ANOS1: variants seen among roughly 807,000 people sequenced by gnomAD.
ANOS1 encodes the protein anosmin 1.
In ANOS1, 6 loss-of-function variants were observed where a neutral mutation model predicts 59.0. The observed-to-expected ratio is 0.10, with a 90% CI of 0.06 to 0.20. ANOS1 has a LOEUF of 0.20. Ranked by LOEUF, ANOS1 falls within the 10% of genes least tolerant of loss-of-function variation. The pLI, the probability that ANOS1 is intolerant of heterozygous loss-of-function variation, is 1.00. For synonymous variants in ANOS1, 217 were observed against 223.4 expected (o/e 0.97, Z 0.25); for missense variants, 433 against 542.3 (o/e 0.80, Z 2.00).
intron 1 of ANOS1, among the ~76,000 whole-genome samples, chrX:8,703,756 G>T (rs1026984330): frequency 2.7e-5 from 3 of 111,963 alleles, no homozygotes; most frequent in Middle Eastern, 4.2e-3. Flanking sequence ...CAGAGAATAG[G>T]AGGGGAGATC....
intron 3 of ANOS1, among the ~76,000 whole-genome samples, chrX:8,614,866 A>AAAAAATATAAAAAATTTTTTATATTTTAT (rs750685412): frequency 1.1e-4 from 12 of 104,645 alleles, no homozygotes; most frequent in Non-Finnish European, 1.9e-4. Context: ...GAGTAATATA[A>AAAAAATATAAAAAATTTTTTATATTTTAT]GAAAAATATA....
chrX:8,619,917 T>C (rs1931259187), intron 3 of ANOS1, among the ~76,000 whole-genome samples: 1 of 112,113 alleles, frequency 8.9e-6, no homozygotes, highest in African/African-American at 3.2e-5. Context: ...GTAATATAAT[T>C]ATGACTGTTC....
chrX:8,659,901 T>C (rs1357481722), intron 2 of ANOS1, among the ~76,000 whole-genome samples: 3 of 111,279 alleles, frequency 2.7e-5, no homozygotes, highest in Non-Finnish European at 5.6e-5. Context: ...AGTGCTGGGA[T>C]TATAGGCATG....
chrX:8,663,768 A>T (rs1932080980), intron 2 of ANOS1, among the ~76,000 whole-genome samples: 1 of 111,999 alleles, frequency 8.9e-6, no homozygotes. Flanking sequence ...TAATCCCAGG[A>T]TCCACCTTTT....
chrX:8,660,616 A>G (rs1243597219), intron 2 of ANOS1, among the ~76,000 whole-genome samples: 1 of 72,620 alleles, frequency 1.4e-5, no homozygotes, highest in East Asian at 4.9e-4. Context: ...CTATAATTTT[A>G]AAAAGAAAAT....
intron 2 of ANOS1, among the ~76,000 whole-genome samples, chrX:8,625,963 T>A (rs1365837210): frequency 9.3e-6 from 1 of 107,385 alleles, no homozygotes; most frequent in African/African-American, 3.4e-5. Context: ...ATACAAAAAA[T>A]TAGCTGGGTG....
At chrX:8,679,994 C>T (rs1932397266) in intron 2 of ANOS1, among the ~76,000 whole-genome samples, 1 of 109,130 alleles carries the variant, frequency 9.2e-6, no homozygotes, top group African/African-American at 3.3e-5. Context: ...AACCCCATCT[C>T]TACTAAAAAT....
At chrX:8,591,824 G>A (rs1601968139) in intron 4 of ANOS1, among the ~76,000 whole-genome samples, 1 of 112,394 alleles carries the variant, frequency 8.9e-6, no homozygotes, top group East Asian at 2.8e-4. Context: ...ATAACCAGAT[G>A]TATAGACTGG....
intron 2 of ANOS1, among the ~76,000 whole-genome samples, chrX:8,682,074 G>T (rs766917621): frequency 1.2e-3 from 130 of 110,933 alleles, no homozygotes; most frequent in Non-Finnish European, 1.9e-3. Flanking sequence ...CGAACCCTTC[G>T]CAAGCACGGG....
chrX:8,690,963 G>T (rs1417666515), intron 2 of ANOS1, among the ~76,000 whole-genome samples: 2 of 111,841 alleles, frequency 1.8e-5, no homozygotes, highest in Non-Finnish European at 3.8e-5. Context: ...AAGGCAGAAA[G>T]ATAAGCATGC....
intron 8 of ANOS1, among the ~76,000 whole-genome samples, chrX:8,561,166 A>G (rs1361281950): frequency 1.8e-5 from 2 of 112,469 alleles, no homozygotes; most frequent in Admixed American, 9.4e-5. Flanking sequence ...GGCATGCCCA[A>G]TGAATTGTCT....
At chrX:8,533,152 A>G (rs890623371) in intron 13 of ANOS1, 99 bp from the exon 14 acceptor site, 3 of 545,979 alleles carry the variant, frequency 5.5e-6, no homozygotes, top group African/African-American at 4.6e-5. Context: ...ACCCTGGCAA[A>G]TGTTCCTTCC....
At chrX:8,580,230 A>G (rs1449079041) in intron 6 of ANOS1, among the ~76,000 whole-genome samples, 1 of 112,365 alleles carries the variant, frequency 8.9e-6, no homozygotes, top group Non-Finnish European at 1.9e-5. Flanking sequence ...ATAAAGAGAC[A>G]AAAAGTAGAA....
chrX:8,537,298 C>T (rs1929611682), intron 10 of ANOS1, among the ~76,000 whole-genome samples: 1 of 111,626 alleles, frequency 9.0e-6, no homozygotes, highest in Admixed American at 9.5e-5. Context: ...AAAAAACTAA[C>T]GCAGGCTTCT....
At chrX:8,652,811 A>T (rs1312139697) in intron 2 of ANOS1, among the ~76,000 whole-genome samples, 1 of 111,215 alleles carries the variant, frequency 9.0e-6, no homozygotes, top group East Asian at 2.8e-4. Flanking sequence ...GTCCACCTGG[A>T]CCAAACCAGT....
At chrX:8,721,898 G>A (rs1220131254) in intron 1 of ANOS1, among the ~76,000 whole-genome samples, 1 of 112,242 alleles carries the variant, frequency 8.9e-6, no homozygotes, top group African/African-American at 3.2e-5. Context: ...TGGCCATTTA[G>A]GTTATGGTCC....
intron 1 of ANOS1, among the ~76,000 whole-genome samples, chrX:8,706,514 A>C (rs1331243991): frequency 8.9e-6 from 1 of 112,067 alleles, no homozygotes; most frequent in Admixed American, 9.5e-5. Context: ...AGACCATACA[A>C]CACCAAAAGT....
chrX:8,716,808 C>T (rs1011088256), intron 1 of ANOS1, among the ~76,000 whole-genome samples: 1 of 112,122 alleles, frequency 8.9e-6, no homozygotes, highest in Non-Finnish European at 1.9e-5. Flanking sequence ...GAAGCTAAGC[C>T]ATGTCATGAC....
At chrX:8,721,394 T>C (rs1353718757) in intron 1 of ANOS1, among the ~76,000 whole-genome samples, 3 of 112,169 alleles carry the variant, frequency 2.7e-5, no homozygotes, top group Non-Finnish European at 5.6e-5. Context: ...GGCCTTCAGT[T>C]TTCTTATCTG....
Sources: allele counts gnomAD v4.1 joint callset (sites outside exome capture counted in the v4.1 genomes callset), GRCh38; gene constraint gnomAD v4.1.1; transcripts MANE v1.5; gene names NCBI Gene and HGNC (gene_info 2026-07-23, HGNC 2026-07-21).